The following GRID1 variants were observed in gnomAD, a reference collection of about 807,000 sequenced individuals.
GRID1 encodes the protein glutamate receptor ionotropic, delta-1.
A neutral mutation model predicts 98.0 loss-of-function variants in GRID1; 28 were observed. That is an observed-to-expected ratio of 0.29 (90% CI 0.21 to 0.39). The LOEUF (loss-of-function observed/expected upper bound fraction) is 0.39, where lower values mean the gene tolerates loss of function less well. Among genes scored for constraint, GRID1 ranks in the 10% least tolerant of loss-of-function variants. The probability of loss-of-function intolerance (pLI) is 1.00; values close to 1 mark genes in which losing one functional copy is unlikely to be tolerated. For synonymous variants in GRID1, 553 were observed against 538.5 expected (o/e 1.03, Z -0.37); for missense variants, 1,111 against 1,340.5 (o/e 0.83, Z 2.67).
intron 2 of GRID1, among the ~76,000 whole-genome samples, chr10:86,228,052 G>C (rs115309409): frequency 6.6e-6 from 1 of 151,910 alleles, no homozygotes; most frequent in Admixed American, 6.6e-5. Flanking sequence ...GGTTGAATGC[G>C]TGGATGGATG....
At chr10:86,039,287 A>T (rs1035526018) in intron 4 of GRID1, among the ~76,000 whole-genome samples, 1 of 152,112 alleles carries the variant, frequency 6.6e-6, no homozygotes, top group African/African-American at 2.4e-5. Context: ...ATGTCAATTC[A>T]CCACTCTGTG....
At chr10:85,953,604 C>A (rs1589311637) in intron 4 of GRID1, among the ~76,000 whole-genome samples, 1 of 152,336 alleles carries the variant, frequency 6.6e-6, no homozygotes, top group African/African-American at 2.4e-5. Flanking sequence ...TTTGCAGAAT[C>A]TGTGGACTCT....
At chr10:86,013,707 C>T (rs1175818635) in intron 4 of GRID1, among the ~76,000 whole-genome samples, 1 of 152,182 alleles carries the variant, frequency 6.6e-6, no homozygotes, top group Non-Finnish European at 1.5e-5. Context: ...ATTTGACCGT[C>T]TGACCAGTTA....
chr10:86,327,043 G>A (rs1848060639), intron 2 of GRID1, among the ~76,000 whole-genome samples: 1 of 152,132 alleles, frequency 6.6e-6, no homozygotes, highest in Non-Finnish European at 1.5e-5. Flanking sequence ...GGGTGAGGCA[G>A]GAGAATCACT....
At chr10:86,285,780 G>GT (rs1395378000) in intron 2 of GRID1, among the ~76,000 whole-genome samples, 11 of 152,180 alleles carry the variant, frequency 7.2e-5, no homozygotes, top group African/African-American at 2.7e-4. Flanking sequence ...TCGATATATG[G>GT]TAAGTCCTTA....
At chr10:86,098,263 T>C (rs1255537179) in intron 4 of GRID1, among the ~76,000 whole-genome samples, 1 of 152,248 alleles carries the variant, frequency 6.6e-6, no homozygotes, top group Non-Finnish European at 1.5e-5. Flanking sequence ...GTTTTACCTC[T>C]TTCCATATTT....
intron 2 of GRID1, among the ~76,000 whole-genome samples, chr10:86,330,117 C>T (rs1397595303): frequency 6.6e-6 from 1 of 152,144 alleles, no homozygotes; most frequent in South Asian, 2.1e-4. Flanking sequence ...GACCGTGACT[C>T]CCCCAGGGCA....
At position 86,366,281 on chromosome 10, in the gene GRID1, C is replaced by T; in HGVS notation, c.79+33G>A. On this transcript the variant is annotated intron_variant, in intron 1 of 15. Transcript: ENST00000327946. The surrounding 1 kb of genome is among the most constrained non-coding windows in gnomAD (Gnocchi z 4.1). ...ACCCCCTGCCCCGTTGGGGCCCCCG[C>T]CCAGCCTCGGCCCGGCCTCCAGCCG... The T allele has an allele frequency of 6.9e-7, 1 of 1,455,746 alleles. No homozygotes were observed. The highest frequency in any genetic ancestry group is 3.0e-5 in the East Asian group (1 of 32,954). 90.2% of individuals were successfully genotyped at this position (1,455,746 alleles called of 1,614,324 possible).
chr10:85,800,275 C>G (rs938966839), intron 8 of GRID1, among the ~76,000 whole-genome samples: 3 of 151,902 alleles, frequency 2.0e-5, no homozygotes, highest in African/African-American at 7.2e-5. Context: ...ATTTAATGAG[C>G]ATATAGTTGC....
At chr10:85,805,644 A>G (rs1225256150) in intron 8 of GRID1, among the ~76,000 whole-genome samples, 1 of 151,952 alleles carries the variant, frequency 6.6e-6, no homozygotes, top group Non-Finnish European at 1.5e-5. Flanking sequence ...TGTATTTTAA[A>G]AACTAAACAG....
At chr10:85,758,046 G>A (rs1303603438) in intron 8 of GRID1, among the ~76,000 whole-genome samples, 1 of 152,198 alleles carries the variant, frequency 6.6e-6, no homozygotes, top group African/African-American at 2.4e-5. Flanking sequence ...TACACCAACA[G>A]AGGGAGTAGA....
Position 86,076,532 on chromosome 10 carries a change from T to C in GRID1, c.726+62287A>G, listed in dbSNP as rs994116949. Among the ~76,000 whole-genome samples, 7 of 152,166 alleles carry C rather than the reference T, an allele frequency of 4.6e-5. 1 individual carries two copies. The highest frequency in any genetic ancestry group is 1.3e-4 in the Admixed American group (2 of 15,282). The stretch of plus-strand genomic sequence containing the variant: ...GAGGAAGAGGCTTATTTTAAGGAAT[T>C]GGCTCATGTGATGGCGGAAGCTGGC... On this transcript the variant is annotated intron_variant, in intron 4 of 15. Transcript: ENST00000327946.
chr10:85,740,116 T>C (rs1184167434), intron 8 of GRID1, among the ~76,000 whole-genome samples: 1 of 152,162 alleles, frequency 6.6e-6, no homozygotes, highest in Non-Finnish European at 1.5e-5. Context: ...GTTTCAGGTG[T>C]ATTGGTTTTT....
In GRID1 at chr10:85,629,972, A is replaced by G. The variant is rs191326784; in HGVS notation, c.2194-9939T>C. 1.3e-4 allele frequency among the ~76,000 whole-genome samples: 20 copies of G among 152,052 alleles called. No homozygotes were observed. The East Asian group carries it at 3.7e-3, about 28-fold the overall frequency. ...TCTCTGATGACTAGTGATGTTGTGC[A>G]TTTTTTTCATATGCTTGTTGGCCAT... On this transcript the variant is annotated intron_variant, in intron 13 of 15. Transcript: ENST00000327946.
At chr10:86,303,147 A>G (rs1055294455) in intron 2 of GRID1, among the ~76,000 whole-genome samples, 2 of 152,330 alleles carry the variant, frequency 1.3e-5, no homozygotes, top group African/African-American at 2.4e-5. Context: ...ATGTCCTCCA[A>G]TTTTTAGGGA....
chr10:86,000,321 A>G (rs932356020), intron 4 of GRID1, among the ~76,000 whole-genome samples: 4 of 152,230 alleles, frequency 2.6e-5, no homozygotes, highest in African/African-American at 9.6e-5. Context: ...GGAAAGACAA[A>G]TTGTGTTCAC....
At chr10:86,320,060 T>C (rs1469975426) in intron 2 of GRID1, among the ~76,000 whole-genome samples, 4 of 152,196 alleles carry the variant, frequency 2.6e-5, no homozygotes, top group Admixed American at 6.5e-5. Context: ...TGGCAATACA[T>C]CTGGCAGAGG....
At chr10:85,750,967 A>G (rs1167839490) in intron 8 of GRID1, among the ~76,000 whole-genome samples, 1 of 152,222 alleles carries the variant, frequency 6.6e-6, no homozygotes, top group Non-Finnish European at 1.5e-5. Flanking sequence ...ATTATGACCC[A>G]CAATGTTGGA....
intron 2 of GRID1, among the ~76,000 whole-genome samples, chr10:86,245,317 C>G (rs1006289067): frequency 6.6e-6 from 1 of 152,220 alleles, no homozygotes; most frequent in African/African-American, 2.4e-5. Flanking sequence ...GGAAACTGCC[C>G]ATGCTGGGGC....
Sources: allele counts gnomAD v4.1 joint callset (sites outside exome capture counted in the v4.1 genomes callset), GRCh38; gene constraint gnomAD v4.1.1; non-coding constraint Gnocchi (gnomAD v3.1); transcripts MANE v1.5; gene names NCBI Gene and HGNC (gene_info 2026-07-23, HGNC 2026-07-21).